NUP62CL: variants seen among roughly 807,000 people sequenced by gnomAD.
NUP62CL encodes the protein nucleoporin 62 C-terminal like, also known as nucleoporin-62 C-terminal-like protein.
In NUP62CL, 13 loss-of-function variants were observed where a neutral mutation model predicts 15.3. The ratio of observed to expected loss-of-function variants is 0.85; its 90% CI spans 0.55 to 1.35. The LOEUF is 1.35. Ranked by LOEUF, NUP62CL falls within the 40% of genes most tolerant of loss-of-function variation. The pLI is 0.00. For synonymous variants in NUP62CL, 54 were observed against 49.2 expected (o/e 1.10, Z -0.41); for missense variants, 123 against 130.6 (o/e 0.94, Z 0.28).
intron 7 of NUP62CL, chrX:107,150,947 A>G (rs915483506): frequency 2.9e-6 from 1 of 342,864 alleles, no homozygotes; most frequent in Non-Finnish European, 5.9e-6. Flanking sequence ...CTGAGCATCT[A>G]TACTTTCTGC....
intron 2 of NUP62CL, among the ~76,000 whole-genome samples, chrX:107,192,775 T>C (rs769742238): frequency 2.8e-4 from 31 of 112,084 alleles, no homozygotes; most frequent in African/African-American, 9.4e-4. Context: ...AATCAGAAAC[T>C]GTATTGCTCT....
At chrX:107,153,663 T>C (rs1202443390) in intron 5 of NUP62CL, among the ~76,000 whole-genome samples, 160 bp from the exon 6 acceptor site, 1 of 112,402 alleles carries the variant, frequency 8.9e-6, no homozygotes, top group Non-Finnish European at 1.9e-5. Flanking sequence ...CTCACCAATA[T>C]TGGAATAGAA....
chrX:107,203,394 C>T (rs1434101975), intron 1 of NUP62CL, among the ~76,000 whole-genome samples: 2 of 109,095 alleles, frequency 1.8e-5, no homozygotes, highest in Non-Finnish European at 3.8e-5. Context: ...CAGGCACATG[C>T]CACCAAGCCT....
At chrX:107,138,714 C>A (rs1925698127) in intron 8 of NUP62CL, among the ~76,000 whole-genome samples, 1 of 112,071 alleles carries the variant, frequency 8.9e-6, no homozygotes, top group African/African-American at 3.2e-5. Flanking sequence ...CTGGGGGATA[C>A]ATAAAATGGT....
intron 2 of NUP62CL, among the ~76,000 whole-genome samples, chrX:107,176,584 G>T (rs1197339952): frequency 9.3e-6 from 1 of 108,015 alleles, no homozygotes; most frequent in Non-Finnish European, 1.9e-5. Flanking sequence ...GGGGGGCGAT[G>T]AAAATGTTCT....
intron 2 of NUP62CL, among the ~76,000 whole-genome samples, chrX:107,178,318 C>A: frequency 9.0e-6 from 1 of 111,316 alleles, no homozygotes; most frequent in East Asian, 2.8e-4. Context: ...AATGGCTGTA[C>A]AGTATGTAAA....
At chrX:107,137,400 G>C (rs1047813590) in intron 8 of NUP62CL, among the ~76,000 whole-genome samples, 1 of 111,361 alleles carries the variant, frequency 9.0e-6, no homozygotes, top group Non-Finnish European at 1.9e-5. Flanking sequence ...AGTGCAAAAA[G>C]ACAAGAAAAA....
At chrX:107,196,948 T>C (rs2147818112) in intron 1 of NUP62CL, among the ~76,000 whole-genome samples, 1 of 112,454 alleles carries the variant, frequency 8.9e-6, no homozygotes, top group African/African-American at 3.2e-5. Context: ...TGCATCTTTT[T>C]CTATTCCCTT....
chrX:107,150,732 A>T (rs996336315), intron 7 of NUP62CL: 33 of 275,238 alleles, frequency 1.2e-4, no homozygotes, highest in Non-Finnish European at 1.9e-4. Flanking sequence ...CTCTTGGCCT[A>T]AAACAGTTCT....
chrX:107,181,608 T>C (rs953925379), intron 2 of NUP62CL, among the ~76,000 whole-genome samples: 1 of 111,560 alleles, frequency 9.0e-6, no homozygotes, highest in African/African-American at 3.3e-5. Flanking sequence ...ATATAAACTT[T>C]AAAATCTTGT....
intron 4 of NUP62CL, among the ~76,000 whole-genome samples, chrX:107,155,671 G>C (rs191761376): frequency 9.0e-6 from 1 of 111,684 alleles, no homozygotes; most frequent in African/African-American, 3.3e-5. Context: ...TCAAAAAAGA[G>C]ATGCTTGATG....
intron 2 of NUP62CL, among the ~76,000 whole-genome samples, chrX:107,176,186 A>C (rs1926778474): frequency 9.0e-6 from 1 of 111,597 alleles, no homozygotes; most frequent in Non-Finnish European, 1.9e-5. Flanking sequence ...TCAAGCCCAA[A>C]ACATTACTAT....
intron 2 of NUP62CL, among the ~76,000 whole-genome samples, chrX:107,189,828 G>GGGAAGGAAGGAAGGAAGGAA (rs147140354): frequency 7.4e-5 from 4 of 53,748 alleles, no homozygotes; most frequent in African/African-American, 2.8e-4. Context: ...GAAAGAAGGA[G>GGGAAGGAAGGAAGGAAGGAA]GGAAGGAAGG....
chrX:107,201,764 C>T (rs5916778), intron 1 of NUP62CL, among the ~76,000 whole-genome samples: 1,471 of 107,144 alleles, frequency 0.014, 12 homozygotes, highest in Non-Finnish European at 0.023. Context: ...CTTGTCTCTA[C>T]AAAAAAAAAT....
At chrX:107,163,867 C>A (rs1226371901) in intron 4 of NUP62CL, among the ~76,000 whole-genome samples, 1 of 111,300 alleles carries the variant, frequency 9.0e-6, no homozygotes, top group Non-Finnish European at 1.9e-5. Context: ...GAAATAAAAA[C>A]TGATAGAGCT....
At chrX:107,126,573 T>A (rs1333373350) in intron 8 of NUP62CL, among the ~76,000 whole-genome samples, 1 of 111,888 alleles carries the variant, frequency 8.9e-6, no homozygotes, top group Non-Finnish European at 1.9e-5. Flanking sequence ...CCTTATAAGG[T>A]ACCAAGGCAA....
chrX:107,132,545 A>G (rs1353384094), intron 8 of NUP62CL, among the ~76,000 whole-genome samples: 1 of 111,348 alleles, frequency 9.0e-6, no homozygotes, highest in Non-Finnish European at 1.9e-5. Flanking sequence ...GATCACTTGG[A>G]CCTAGGAGTT....
intron 4 of NUP62CL, among the ~76,000 whole-genome samples, chrX:107,164,013 T>C (rs1171501269): frequency 8.9e-6 from 1 of 111,825 alleles, no homozygotes; most frequent in Non-Finnish European, 1.9e-5. Flanking sequence ...AGAATTTAAT[T>C]AACATATATA....
intron 6 of NUP62CL, 29 bp downstream of exon 6, chrX:107,153,425 C>T: frequency 8.8e-7 from 1 of 1,137,488 alleles, no homozygotes; most frequent in East Asian, 3.0e-5. Flanking sequence ...GGTCTTTAAT[C>T]TTTCAACCAA....
Sources: gnomAD v4.1 joint callset for allele counts (sites outside exome capture counted in the v4.1 genomes callset) on GRCh38, gnomAD v4.1.1 for gene constraint, MANE v1.5 for transcripts, NCBI Gene and HGNC (gene_info 2026-07-23, HGNC 2026-07-21) for gene names.